Variants in GRID2 observed in about 807,000 individuals in gnomAD.
GRID2 encodes the protein glutamate receptor ionotropic, delta-2.
GRID2 carries 33 observed loss-of-function variants against 114.8 expected under a neutral mutation model. The observed-to-expected ratio is 0.29, with a 90% CI of 0.22 to 0.38. The LOEUF is 0.38. Among genes scored for constraint, GRID2 ranks in the 10% least tolerant of loss-of-function variants. The probability of loss-of-function intolerance (pLI) is 1.00; values close to 1 mark genes in which losing one functional copy is unlikely to be tolerated. For missense variants in GRID2, 1,184 were observed against 1,257.7 expected, an observed-to-expected ratio of 0.94 and a Z score of 0.89; for synonymous variants, 505 against 449.9, an observed-to-expected ratio of 1.12 and a Z score of -1.55.
intron 2 of GRID2, among the ~76,000 whole-genome samples, chr4:92,727,966 C>G (rs1736142500): frequency 6.6e-6 from 1 of 151,932 alleles, no homozygotes; most frequent in South Asian, 2.1e-4. Context: ...AGCTTATGAG[C>G]AAAGCATGCA....
At chr4:93,079,909 C>A (rs1212131471) in intron 2 of GRID2, among the ~76,000 whole-genome samples, 1 of 152,066 alleles carries the variant, frequency 6.6e-6, no homozygotes, top group Non-Finnish European at 1.5e-5. Context: ...AAAATCTTAA[C>A]AATTTTTAAT....
intron 2 of GRID2, among the ~76,000 whole-genome samples, chr4:92,796,345 G>T (rs1039965779): frequency 1.3e-5 from 2 of 151,818 alleles, no homozygotes; most frequent in African/African-American, 2.4e-5. Flanking sequence ...TTACTAGAAA[G>T]GTACTTCCTG....
intron 2 of GRID2, among the ~76,000 whole-genome samples, chr4:92,869,869 T>C (rs536944164): frequency 6.6e-6 from 1 of 152,126 alleles, no homozygotes; most frequent in Non-Finnish European, 1.5e-5. Flanking sequence ...CAACTATCAT[T>C]TTCTGAAATG....
At chr4:92,358,301 G>A (rs79287887) in intron 1 of GRID2, among the ~76,000 whole-genome samples, 2,717 of 151,926 alleles carry the variant, frequency 0.018, 82 homozygotes, top group African/African-American at 0.06. Context: ...ATATCTGATC[G>A]GACATACTAT....
chr4:93,247,235 T>C (rs989001698), intron 8 of GRID2, among the ~76,000 whole-genome samples: 2 of 152,150 alleles, frequency 1.3e-5, no homozygotes, highest in Admixed American at 6.5e-5. Flanking sequence ...TTGTGATGGT[T>C]AATTTTATGT....
At chr4:92,325,660 AT>A (rs887389091) in intron 1 of GRID2, among the ~76,000 whole-genome samples, 2 of 151,570 alleles carry the variant, frequency 1.3e-5, no homozygotes, top group African/African-American at 2.4e-5. Context: ...AATTTTTGTT[AT>A]TTTTTTTATT....
chr4:93,779,573 C>T (rs1734439102), intron 1 of GRID2, among the ~76,000 whole-genome samples: 1 of 152,140 alleles, frequency 6.6e-6, no homozygotes, highest in South Asian at 2.1e-4. Flanking sequence ...GAAGTAAAAA[C>T]TCATCATATA....
chr4:93,715,833 A>C (rs116540606), intron 14 of GRID2, among the ~76,000 whole-genome samples: 3,992 of 152,316 alleles, frequency 0.026, 76 homozygotes, highest in Non-Finnish European at 0.04. Flanking sequence ...TTTTGAGCTG[A>C]GACAGTGGGG....
At chr4:93,626,523 T>C in intron 14 of GRID2, 88 bp downstream of exon 14, 1 of 822,150 alleles carries the variant, frequency 1.2e-6, no homozygotes, top group Non-Finnish European at 1.9e-6. Flanking sequence ...TTATTACATT[T>C]TGTTTCCTTT....
chr4:92,897,430 T>TAAA (rs564591313), intron 2 of GRID2, among the ~76,000 whole-genome samples: 1 of 151,532 alleles, frequency 6.6e-6, no homozygotes, highest in East Asian at 1.9e-4. Context: ...TTGTTTGTTT[T>TAAA]AAAAAAAAAG....
chr4:93,108,979 G>C (rs1190633331), intron 3 of GRID2, among the ~76,000 whole-genome samples: 1 of 152,132 alleles, frequency 6.6e-6, no homozygotes, highest in Non-Finnish European at 1.5e-5. Flanking sequence ...GCCCAAGCTT[G>C]TGTATTTTTG....
At chr4:93,181,273 C>T (rs1033246151) in intron 4 of GRID2, among the ~76,000 whole-genome samples, 4 of 152,120 alleles carry the variant, frequency 2.6e-5, no homozygotes, top group African/African-American at 9.7e-5. Flanking sequence ...ATCTCATTTT[C>T]TGAGCAGTAG....
At chr4:92,791,883 A>C (rs1249049444) in intron 2 of GRID2, among the ~76,000 whole-genome samples, 5 of 151,886 alleles carry the variant, frequency 3.3e-5, no homozygotes, top group Non-Finnish European at 7.4e-5. Context: ...TAAATTTAAC[A>C]GGAATTTAAG....
chr4:93,005,693 C>T (rs373408293), intron 2 of GRID2, among the ~76,000 whole-genome samples: 3 of 152,014 alleles, frequency 2.0e-5, no homozygotes, highest in East Asian at 3.9e-4. Context: ...ATAGTATATA[C>T]ATGCAATGGA....
chr4:93,612,977 A>C (rs199998005), intron 13 of GRID2, among the ~76,000 whole-genome samples: 2 of 145,894 alleles, frequency 1.4e-5, no homozygotes, highest in Non-Finnish European at 3.1e-5. Flanking sequence ...GTCTTTTCAC[A>C]TACTCCCATA....
chr4:93,201,275 A>G (rs1232598574), intron 4 of GRID2, among the ~76,000 whole-genome samples: 1 of 152,226 alleles, frequency 6.6e-6, no homozygotes, highest in Non-Finnish European at 1.5e-5. Flanking sequence ...ATATTTCTAA[A>G]TCTACTTAGC....
At chr4:93,368,139 G>A (rs577461475) in intron 8 of GRID2, among the ~76,000 whole-genome samples, 1 of 152,182 alleles carries the variant, frequency 6.6e-6, no homozygotes, top group Admixed American at 6.5e-5. Flanking sequence ...AGTAAGGCTA[G>A]AACATCATTT....
intron 8 of GRID2, among the ~76,000 whole-genome samples, chr4:93,387,043 C>T (rs539927225): frequency 6.6e-6 from 1 of 152,158 alleles, no homozygotes; most frequent in South Asian, 2.1e-4. Flanking sequence ...TGAAGGCCTC[C>T]CAGGCAAAGC....
intron 2 of GRID2, among the ~76,000 whole-genome samples, chr4:92,713,008 T>A (rs921350846): frequency 1.1e-4 from 17 of 151,626 alleles, no homozygotes; most frequent in Non-Finnish European, 2.1e-4. Context: ...TTTTTTTTTT[T>A]ATTATACTTT....
Sources: allele counts gnomAD v4.1 joint callset (sites outside exome capture counted in the v4.1 genomes callset), GRCh38; gene constraint gnomAD v4.1.1; transcripts MANE v1.5; gene names NCBI Gene and HGNC (gene_info 2026-07-23, HGNC 2026-07-21).